TDRD5: variants seen among roughly 807,000 people sequenced by gnomAD.
TDRD5 encodes tudor domain-containing protein 5.
A neutral mutation model predicts 120.6 loss-of-function variants in TDRD5; 41 were observed. The observed-to-expected ratio is 0.34, with a 90% CI of 0.26 to 0.44. The LOEUF (loss-of-function observed/expected upper bound fraction) is 0.44, where lower values mean the gene tolerates loss of function less well. Ranked by LOEUF, TDRD5 falls within the 20% of genes least tolerant of loss-of-function variation. The pLI, the probability that TDRD5 is intolerant of heterozygous loss-of-function variation, is 1.00. For synonymous variants in TDRD5, 430 were observed against 433.7 expected (o/e 0.99, Z 0.11); for missense variants, 1,006 against 1,221.2 (o/e 0.82, Z 2.63).
chr1:179,648,455 G>T (rs28437666), intron 11 of TDRD5, among the ~76,000 whole-genome samples: 3 of 88,320 alleles, frequency 3.4e-5, no homozygotes, highest in Admixed American at 1.3e-4. Context: ...TGTGGGGTGG[G>T]GGGGGGGAGG....
chr1:179,644,984 T>C (rs1228879940), intron 11 of TDRD5, among the ~76,000 whole-genome samples: 1 of 130,620 alleles, frequency 7.7e-6, no homozygotes, highest in Non-Finnish European at 1.7e-5. Flanking sequence ...AGTTTTATTA[T>C]TGTTCAGTTA....
At chr1:179,677,032 G>A (rs1026664371) in intron 17 of TDRD5, among the ~76,000 whole-genome samples, 11 of 152,058 alleles carry the variant, frequency 7.2e-5, no homozygotes, top group South Asian at 4.2e-4. Context: ...TCTTGGAGGC[G>A]TTGTTCATTT....
intron 2 of TDRD5, 117 bp from the exon 3 acceptor site, chr1:179,593,343 G>C (rs918867115): frequency 8.8e-7 from 1 of 1,137,316 alleles, no homozygotes; most frequent in Non-Finnish European, 1.2e-6. Context: ...ACTGTTTATC[G>C]TGCTGCCTGG....
intron 17 of TDRD5, among the ~76,000 whole-genome samples, chr1:179,682,907 CT>C (rs1333630658): frequency 3.9e-5 from 6 of 152,166 alleles, no homozygotes; most frequent in Admixed American, 3.9e-4. Flanking sequence ...ATTCTGCCTG[CT>C]GCTTTCTGGT....
chr1:179,618,768 A>G, intron 5 of TDRD5, 86 bp downstream of exon 5: 1 of 951,134 alleles, frequency 1.1e-6, no homozygotes, highest in South Asian at 2.3e-5. Flanking sequence ...TGCAAGTATT[A>G]ATTTACATCT....
At chr1:179,631,110 G>A (rs1350442689) in intron 7 of TDRD5, among the ~76,000 whole-genome samples, 190 bp downstream of exon 7, 3 of 152,052 alleles carry the variant, frequency 2.0e-5, no homozygotes, top group Non-Finnish European at 4.4e-5. Context: ...TGCTTTCTTG[G>A]GCCGGGTGCA....
chr1:179,611,844 C>T (rs1676294125), intron 4 of TDRD5, among the ~76,000 whole-genome samples: 1 of 152,184 alleles, frequency 6.6e-6, no homozygotes, highest in Non-Finnish European at 1.5e-5. Context: ...CTAATAACCA[C>T]ATTTCACTTC....
At position 179,635,754 on chromosome 1, in the gene TDRD5, A is replaced by C; in HGVS notation, c.1387A>C (p.Arg463=). The change falls in exon 9 of 18, where the codon AGA becomes CGA. Residue 463 remains arginine (R), a synonymous_variant. Coordinates refer to ENST00000444136, the MANE Select transcript of TDRD5 (RefSeq NM_001199085.3). ...PDAVPNKKLC[R]LPPLDTSSLI... is the part of the protein sequence containing the mutation. ...CGCTGTGCCGAACAAGAAATTATGC[A>C]GACTCCCACCATTAGACACCAGTTC... The C allele has an allele frequency of 1.2e-6, 2 of 1,614,122 alleles. No homozygotes were observed. Among genetic ancestry groups the C allele is most frequent in the Admixed American group, 1.7e-5 (1 of 60,026 alleles).
intron 9 of TDRD5, among the ~76,000 whole-genome samples, chr1:179,638,103 C>T (rs1677865344): frequency 6.6e-6 from 1 of 152,112 alleles, no homozygotes; most frequent in African/African-American, 2.4e-5. Flanking sequence ...GAGAGAGTGA[C>T]TGATGTGATG....
intron 11 of TDRD5, among the ~76,000 whole-genome samples, chr1:179,642,857 A>G (rs1678129985): frequency 6.6e-6 from 1 of 152,232 alleles, no homozygotes; most frequent in South Asian, 2.1e-4. Flanking sequence ...TATGCCCATT[A>G]GCAAAATCAG....
chr1:179,615,488 C>CT (rs750230461), intron 4 of TDRD5, among the ~76,000 whole-genome samples: 67 of 152,214 alleles, frequency 4.4e-4, no homozygotes, highest in Non-Finnish European at 8.5e-4. Flanking sequence ...TTCTGAGGTC[C>CT]TATAAGCTCC....
chr1:179,592,514 T>C (rs1381121715), intron 1 of TDRD5, 88 bp from the exon 2 acceptor site: 1 of 1,051,160 alleles, frequency 9.5e-7, no homozygotes, highest in South Asian at 1.5e-5. Flanking sequence ...AACTGGAGTC[T>C]CAGTTATTTG....
At chr1:179,612,246 C>T (rs1239408112) in intron 4 of TDRD5, among the ~76,000 whole-genome samples, 1 of 152,080 alleles carries the variant, frequency 6.6e-6, no homozygotes, top group Non-Finnish European at 1.5e-5. Flanking sequence ...ATCAGAATGT[C>T]TTCACTTTCC....
rs112487138 is a variant in TDRD5, at chr1:179,683,031, C to G, written c.2861-7665C>G. 1.8e-3 allele frequency among the ~76,000 whole-genome samples: 278 copies of G among 152,150 alleles called. 1 individual carries two copies. The highest frequency in any genetic ancestry group is 6.5e-3 in the African/African-American group (269 of 41,524). On this transcript the variant is annotated intron_variant, in intron 17 of 17. Coordinates refer to ENST00000444136, the MANE Select transcript of TDRD5 (RefSeq NM_001199085.3). ...TCCTCAGTTTCTTCTCTCTCTCTCTCTGCAGCTGCCTCCTCTCTGGTACTT... is the reference window on the plus strand; with the variant it reads ...TCCTCAGTTTCTTCTCTCTCTCTCTGTGCAGCTGCCTCCTCTCTGGTACTT...
At chr1:179,636,118 G>A (rs1677755145) in intron 9 of TDRD5, among the ~76,000 whole-genome samples, 1 of 151,994 alleles carries the variant, frequency 6.6e-6, no homozygotes, top group South Asian at 2.1e-4. Context: ...TAGAAGGGTG[G>A]CATTGTTTTA....
intron 7 of TDRD5, among the ~76,000 whole-genome samples, chr1:179,632,463 C>A (rs557452423): frequency 3.3e-5 from 5 of 149,910 alleles, no homozygotes; most frequent in African/African-American, 1.2e-4. Context: ...AACTCATGTT[C>A]ATTCTGAATA....
chr1:179,687,812 T>C (rs1680817536), intron 17 of TDRD5, among the ~76,000 whole-genome samples: 1 of 151,984 alleles, frequency 6.6e-6, no homozygotes, highest in South Asian at 2.1e-4. Context: ...CTTCTTTGTC[T>C]CTTTTGATCT....
At chr1:179,671,949 GGTGTGTGTGTGTGTGTGTGTGTGT>G (rs111855083) in intron 17 of TDRD5, among the ~76,000 whole-genome samples, 1 of 141,728 alleles carries the variant, frequency 7.1e-6, no homozygotes, top group Non-Finnish European at 1.5e-5. Context: ...AATATTCCAT[GGTGTGTGTGTGTGTGTGTGTGTGT>G]GTGTGTGTGT....
At chr1:179,619,389 G>T (rs1168552647) in intron 5 of TDRD5, among the ~76,000 whole-genome samples, 3 of 152,040 alleles carry the variant, frequency 2.0e-5, no homozygotes, top group African/African-American at 4.8e-5. Context: ...AAACTCTTTG[G>T]TGTTATGTAT....
Sources: gnomAD v4.1 joint callset for allele counts (sites outside exome capture counted in the v4.1 genomes callset) on GRCh38, gnomAD v4.1.1 for gene constraint, MANE v1.5 for transcripts, NCBI Gene and HGNC (gene_info 2026-07-23, HGNC 2026-07-21) for gene names.